ZNF726: variants seen among roughly 807,000 people sequenced by gnomAD.
ZNF726 encodes zinc finger protein 726.
ZNF726 carries 15 observed loss-of-function variants against 11.6 expected under a neutral mutation model. That is an observed-to-expected ratio of 1.29 (90% CI 0.86 to 1.99). The LOEUF is 1.99. Ranked by LOEUF, ZNF726 falls within the 30% of genes most tolerant of loss-of-function variation. The pLI is 0.00. For synonymous variants in ZNF726, 295 were observed against 243.6 expected, an observed-to-expected ratio of 1.21 and a Z score of -1.96; for missense variants, 890 against 725.6, an observed-to-expected ratio of 1.23 and a Z score of -2.60.
rs983150019 is a variant in ZNF726 at position 23,925,378 on chromosome 19, G to A, written c.226+5296G>A. Reference sequence around the variant, plus strand: ...CCAACTAACTTTTGTATTTTTAGTAGAGACGGGATTTCACCATGTTGGTCA... The same window carrying A: ...CCAACTAACTTTTGTATTTTTAGTAAAGACGGGATTTCACCATGTTGGTCA... On this transcript the variant is annotated intron_variant, in intron 3 of 3. Coordinates refer to ENST00000594466, the MANE Select transcript of ZNF726 (RefSeq NM_001244038.2). Among the ~76,000 whole-genome samples, 4 of 152,036 alleles carry A rather than the reference G, an allele frequency of 2.6e-5. No homozygotes were observed. In the South Asian group the frequency reaches 8.3e-4, roughly 32 times the overall value.
At chr19:23,943,636 G>C (rs1251224340) in intron 4 of ZNF726, 1 of 547,178 alleles carries the variant, frequency 1.8e-6, no homozygotes, top group African/African-American at 1.9e-5. Context: ...CAGGTTCAAA[G>C]GTCAAAAAGA....
At chr19:23,921,392 G>A (rs1468496018) in intron 3 of ZNF726, 1 of 152,248 alleles carries the variant, frequency 6.6e-6, no homozygotes, top group Non-Finnish European at 1.5e-5. Context: ...ATTTATTGTG[G>A]TTTCGTGTAC....
chr19:23,933,765 C>T lies in ZNF726; in HGVS notation c.1649C>T (p.Ser550Leu). The T allele has an allele frequency of 6.8e-6, 11 of 1,610,064 alleles. No individual in the cohort carries two copies. The highest frequency in any genetic ancestry group is 1.3e-5 in the African/African-American group (1 of 74,554). The part of the protein sequence containing the change: ...EECGKTFNQS[S>L]NLSTHKIIHT... ...TGTGGCAAAACTTTTAATCAATCCT[C>T]AAATCTTAGTACACATAAGATAATT... The change falls in exon 4 of 4, where the codon TCA becomes TTA. Residue 550 changes from serine to leucine, a missense_variant. Physicochemically the swap from Ser to Leu is moderately radical, Grantham distance 145. Transcript: ENST00000594466.
downstream of ZNF726, chr19:23,935,515 A>C: frequency 2.5e-6 from 1 of 401,066 alleles, no homozygotes; most frequent in Non-Finnish European, 4.9e-6. Flanking sequence ...TAACAGATAT[A>C]AGATTATTCA....
downstream of ZNF726, among the ~76,000 whole-genome samples, chr19:23,937,603 C>T (rs532101770): frequency 2.0e-4 from 30 of 150,060 alleles, 2 homozygotes; most frequent in East Asian, 3.0e-3. Flanking sequence ...CGGGAAGAGG[C>T]GCTCCTCACT....
chr19:23,919,267 A>G, intron 1 of ZNF726, 106 bp from the exon 2 acceptor site: 2 of 1,520,678 alleles, frequency 1.3e-6, no homozygotes, highest in African/African-American at 2.8e-5. Flanking sequence ...AGTCCCTCTT[A>G]TAAGTTAGAA....
chr19:23,916,582 CG>C (rs1239022488), intron 1 of ZNF726, among the ~76,000 whole-genome samples: 1 of 152,142 alleles, frequency 6.6e-6, no homozygotes, highest in African/African-American at 2.4e-5. Context: ...CCTCCTGCCT[CG>C]GCCTCCCAAA....
chr19:23,925,424 C>T (rs77254790), intron 3 of ZNF726, among the ~76,000 whole-genome samples: 6,476 of 152,118 alleles, frequency 0.043, 184 homozygotes, highest in South Asian at 0.14. Flanking sequence ...AAACTCCTGA[C>T]GTCAGGATTC....
chr19:23,943,843 T>G (rs1968376833), intron 4 of ZNF726: 2 of 304,172 alleles, frequency 6.6e-6, no homozygotes, highest in Non-Finnish European at 1.2e-5. Context: ...TTATGGCTTA[T>G]AAGGTACTGC....
chr19:23,915,122 C>A, intron 1 of ZNF726, 125 bp downstream of exon 1: 2 of 1,433,610 alleles, frequency 1.4e-6, no homozygotes, highest in Non-Finnish European at 1.9e-6. Context: ...GAGTTGTTGC[C>A]CAGCTCGGCC....
intron 3 of ZNF726, among the ~76,000 whole-genome samples, chr19:23,925,136 G>A (rs1211355866): frequency 6.6e-6 from 1 of 151,674 alleles, no homozygotes; most frequent in African/African-American, 2.4e-5. Context: ...TATTTCAGTT[G>A]GCATAATATT....
rs35185698 is a variant in ZNF726 at position 23,932,342 on chromosome 19, G to A, written c.227-1G>A. On this transcript the variant is annotated splice_acceptor_variant, in intron 3 of 3. Transcript: ENST00000594466. LOFTEE classifies it high-confidence loss of function. ...AGTAAATTATTTTAATTTTTTTTTA[G>A]GTATATGTCCTCATTTTGCTCAAGA... The A allele has an allele frequency of 7.4e-7, 1 of 1,358,854 alleles. No individual in the cohort carries two copies. Among genetic ancestry groups the A allele is most frequent in the Non-Finnish European group, 9.5e-7 (1 of 1,051,744 alleles). 84.2% of individuals were successfully genotyped at this position (1,358,854 alleles called of 1,614,324 possible).
At chr19:23,932,196 A>G (rs1968120678) in intron 3 of ZNF726, 147 bp from the exon 4 acceptor site, 1 of 522,940 alleles carries the variant, frequency 1.9e-6, no homozygotes, top group East Asian at 3.5e-5. Context: ...TTTTTGTTAC[A>G]TTTAAATGTC....
In ZNF726 at chr19:23,933,179, C is replaced by T; in HGVS notation, c.1063C>T (p.His355Tyr). The change falls in exon 4 of 4, where the codon CAC (histidine) becomes TAC (tyrosine). Residue 355 changes from histidine (H) to tyrosine (Y), a missense_variant. Transcript: ENST00000594466. ...TGCCAAAGCTTTTAGCCAATTCGGA[C>T]ACCTTACTACACATAGGATAATTCA... ...ECAKAFSQFG[H>Y]LTTHRIIHTG... 6.3e-7 allele frequency: 1 copy of T among 1,596,540 alleles called. No individual in the cohort carries two copies. The highest frequency in any genetic ancestry group is 8.5e-7 in the Non-Finnish European group (1 of 1,172,136).
At chr19:23,936,914 C>T (rs936191403), downstream of ZNF726, among the ~76,000 whole-genome samples, 2 of 152,112 alleles carry the variant, frequency 1.3e-5, no homozygotes, top group East Asian at 1.9e-4. Context: ...ACCTGTCCCC[C>T]CTTTCTATTC....
intron 3 of ZNF726, among the ~76,000 whole-genome samples, chr19:23,930,009 A>G (rs1599465143): frequency 6.6e-6 from 1 of 152,152 alleles, no homozygotes; most frequent in East Asian, 1.9e-4. Context: ...ACTCAGGCTG[A>G]CCTGAAACTC....
rs1392282725 is a variant in ZNF726, at chr19:23,933,247, A to G, written c.1131A>G (p.Ala377=). The G allele has an allele frequency of 1.2e-6, 2 of 1,612,346 alleles. No individual in the cohort carries two copies. Among genetic ancestry groups the G allele is most frequent in the African/African-American group, 1.3e-5 (1 of 74,254 alleles). ...KPYKCEECGK[A]FIWPSTLTKH... ...ACAAATGTGAAGAATGTGGCAAAGC[A>G]TTTATATGGCCCTCAACCCTAACTA... The change falls in exon 4 of 4, where the codon GCA becomes GCG. Residue 377 remains alanine, a synonymous_variant. Transcript: ENST00000594466.
At chr19:23,931,816 C>T (rs933944389) in intron 3 of ZNF726, among the ~76,000 whole-genome samples, 4 of 152,216 alleles carry the variant, frequency 2.6e-5, no homozygotes, top group African/African-American at 9.6e-5. Flanking sequence ...GTACTGCAGT[C>T]TGGCGGCTGC....
At chr19:23,919,617 A>G (rs1489667316) in intron 2 of ZNF726, 118 bp downstream of exon 2, 5 of 1,315,994 alleles carry the variant, frequency 3.8e-6, no homozygotes, top group Non-Finnish European at 5.0e-6. Flanking sequence ...AATCCTGGGG[A>G]TTTGTCTGTT....
Sources: allele counts gnomAD v4.1 joint callset (sites outside exome capture counted in the v4.1 genomes callset), GRCh38; gene constraint gnomAD v4.1.1; transcripts MANE v1.5; gene names NCBI Gene and HGNC (gene_info 2026-07-23, HGNC 2026-07-21).